KIF14: variants seen among roughly 807,000 people sequenced by gnomAD.
KIF14 encodes the protein kinesin-like protein KIF14.
KIF14 carries 98 observed loss-of-function variants against 176.2 expected under a neutral mutation model. The observed-to-expected ratio is 0.56, with a 90% CI of 0.47 to 0.66. KIF14 has a LOEUF of 0.66. Among genes scored for constraint, KIF14 ranks in the 30% least tolerant of loss-of-function variants. The pLI is 0.00. For missense variants in KIF14, 1,751 were observed against 1,920.4 expected, an observed-to-expected ratio of 0.91 and a Z score of 1.65; for synonymous variants, 566 against 632.2, an observed-to-expected ratio of 0.90 and a Z score of 1.57.
At chr1:200,555,546 T>C in intron 27 of KIF14, 92 bp from the exon 28 acceptor site, 1 of 630,454 alleles carries the variant, frequency 1.6e-6, no homozygotes, top group South Asian at 3.3e-5. Flanking sequence ...TAAAAAATTC[T>C]AGTCTAGAAG....
In KIF14 at chr1:200,590,222, A is replaced by T; in HGVS notation, c.2864T>A (p.Met955Lys). ...EAQLKAKEEM[M>K]QGIQIAKEMA... is the part of the protein sequence containing the mutation. ...TTCTTTTGCAATCTGGATTCCTTGC[A>T]TCATTTCTTCCTTTGCCTTCAACTG... Residue 955 changes from methionine to lysine, a missense_variant, in exon 17 of 30, where the codon ATG (methionine) becomes AAG (lysine). Coordinates refer to ENST00000367350, the MANE Select transcript of KIF14 (RefSeq NM_014875.3). 6.2e-7 allele frequency: 1 copy of T among 1,613,992 alleles called. No homozygotes were observed. The highest frequency in any genetic ancestry group is 8.5e-7 in the Non-Finnish European group (1 of 1,179,972).
chr1:200,604,099 C>T (rs1460799899), intron 8 of KIF14, 144 bp from the exon 9 acceptor site: 1 of 579,420 alleles, frequency 1.7e-6, no homozygotes, highest in East Asian at 3.0e-5. Context: ...CAGGGTCTCA[C>T]TCTGTTGCCC....
intron 9 of KIF14, among the ~76,000 whole-genome samples, chr1:200,603,551 A>G (rs2102736757): frequency 6.6e-6 from 1 of 152,226 alleles, no homozygotes; most frequent in South Asian, 2.1e-4. Context: ...GGCTCAAGCA[A>G]TCCTCCCACC....
At position 200,586,790 on chromosome 1, in the gene KIF14, C is replaced by T. The variant is rs371593903; in HGVS notation, c.3115-563G>A. On this transcript the variant is annotated intron_variant, in intron 18 of 29. Coordinates refer to ENST00000367350, the MANE Select transcript of KIF14 (RefSeq NM_014875.3). ...AATATGGTGTATATATATATACATA[C>T]ATATATATATATATATATATATATA... 6.3e-3 allele frequency among the ~76,000 whole-genome samples: 807 copies of T among 128,292 alleles called. 3 individuals carry two copies. The highest frequency in any genetic ancestry group is 9.3e-3 in the Non-Finnish European group (565 of 60,540). The allele number at this position is 128,292 out of a possible 152,430, so 84.2% of individuals were successfully genotyped here.
intron 3 of KIF14, among the ~76,000 whole-genome samples, chr1:200,614,917 T>C (rs1660338265): frequency 6.6e-6 from 1 of 152,046 alleles, no homozygotes. Context: ...TCCACCCTTT[T>C]TTCTTAAGAG....
intron 11 of KIF14, 118 bp downstream of exon 11, chr1:200,601,778 T>G (rs567679469): frequency 1.4e-6 from 1 of 704,842 alleles, no homozygotes; most frequent in South Asian, 2.0e-5. Context: ...CTAGAATCTA[T>G]TAAAATAGGT....
At chr1:200,590,924 G>A (rs1659023267) in intron 16 of KIF14, among the ~76,000 whole-genome samples, 2 of 152,064 alleles carry the variant, frequency 1.3e-5, no homozygotes, top group South Asian at 4.1e-4. Context: ...TGCTCGGGAG[G>A]CTAAGGTGGG....
At chr1:200,567,329 C>G (rs923067293) in intron 23 of KIF14, among the ~76,000 whole-genome samples, 2 of 151,996 alleles carry the variant, frequency 1.3e-5, no homozygotes, top group Non-Finnish European at 2.9e-5. Flanking sequence ...ATCACGAGGT[C>G]AGGAGATCGA....
intron 6 of KIF14, 85 bp from the exon 7 acceptor site, chr1:200,605,979 T>C (rs950913718): frequency 4.3e-6 from 3 of 694,410 alleles, no homozygotes; most frequent in Non-Finnish European, 7.1e-6. Context: ...TTCAATTACA[T>C]ATTTACGCTG....
chr1:200,618,118 G>A lies in KIF14; in HGVS notation c.606C>T (p.Ala202=). 1.2e-6 allele frequency: 2 copies of A among 1,614,006 alleles called. No homozygotes were observed. The highest frequency in any genetic ancestry group is 2.2e-5 in the South Asian group (2 of 91,074). The change falls in exon 2 of 30, where the codon GCC becomes GCT. Residue 202 remains alanine (A), a synonymous_variant. Coordinates refer to ENST00000367350, the MANE Select transcript of KIF14 (RefSeq NM_014875.3). Reference sequence around the variant, plus strand: ...CAACATTTTCATTTGCTCTACTGGGGGCAGAAAATGTTTCTTTGTATTTCT... The same window carrying A: ...CAACATTTTCATTTGCTCTACTGGGAGCAGAAAATGTTTCTTTGTATTTCT... ...ADKKYKETFS[A]PSRANENVAL...
chr1:200,583,430 T>C (rs970294621), intron 19 of KIF14, among the ~76,000 whole-genome samples: 4 of 152,112 alleles, frequency 2.6e-5, no homozygotes, highest in African/African-American at 4.8e-5. Context: ...TGTCTGGGAT[T>C]TGCTTCAAAC....
chr1:200,578,684 A>T (rs919992922), intron 21 of KIF14, among the ~76,000 whole-genome samples: 2 of 152,204 alleles, frequency 1.3e-5, no homozygotes, highest in African/African-American at 4.8e-5. Context: ...GTATAACAAA[A>T]TGAAACCAAC....
At chr1:200,603,138 C>T (rs1659705947) in intron 10 of KIF14, 88 bp downstream of exon 10, 1 of 760,388 alleles carries the variant, frequency 1.3e-6, no homozygotes, top group East Asian at 2.7e-5. Flanking sequence ...TTTCTCCATC[C>T]CAAAGTTAAT....
intron 21 of KIF14, among the ~76,000 whole-genome samples, chr1:200,577,886 C>A (rs1658218194): frequency 6.6e-6 from 1 of 151,122 alleles, no homozygotes; most frequent in Non-Finnish European, 1.5e-5. Context: ...TTTATCTGTT[C>A]TTTGGCAGTT....
intron 22 of KIF14, among the ~76,000 whole-genome samples, chr1:200,572,833 G>A (rs1032714153): frequency 6.6e-6 from 1 of 152,058 alleles, no homozygotes; most frequent in East Asian, 1.9e-4. Flanking sequence ...ACTCTAGGTT[G>A]GCTTAAATAT....
rs777509664 is a variant in KIF14, at chr1:200,575,676, T to C, written c.3481A>G (p.Arg1161Gly). ...KELYESNGSNRGEDAFCDPED... is the reference protein window; with the variant it reads ...KELYESNGSNGGEDAFCDPED... ...GGATCACAAAAGGCATCTTCACCCCTGTTACTACCATTACTCTAAGAAAAA... is the reference window on the plus strand; with the variant it reads ...GGATCACAAAAGGCATCTTCACCCCCGTTACTACCATTACTCTAAGAAAAA... The change falls in exon 22 of 30, where the codon AGG (arginine) becomes GGG (glycine). Residue 1161 changes from arginine to glycine, a missense_variant. By Grantham distance (125) the Arg-to-Gly change is moderately radical (BLOSUM62 -2). Transcript: ENST00000367350. 3 of 1,569,628 alleles carry C rather than the reference T, an allele frequency of 1.9e-6. No individual in the cohort carries two copies. Among genetic ancestry groups the C allele is most frequent in the Non-Finnish European group, 2.6e-6 (3 of 1,151,516 alleles).
chr1:200,596,107 A>T (rs1659325190), intron 14 of KIF14, among the ~76,000 whole-genome samples: 1 of 152,066 alleles, frequency 6.6e-6, no homozygotes, highest in Non-Finnish European at 1.5e-5. Flanking sequence ...TACAACAATT[A>T]GCCAGGCGTG....
intron 19 of KIF14, among the ~76,000 whole-genome samples, chr1:200,583,311 T>C (rs1419438045): frequency 1.3e-5 from 2 of 152,108 alleles, no homozygotes; most frequent in South Asian, 2.1e-4. Flanking sequence ...AATATAGTTA[T>C]GGCAATGCTT....
intron 6 of KIF14, 95 bp downstream of exon 6, chr1:200,606,650 GA>G: frequency 9.3e-7 from 1 of 1,080,652 alleles, no homozygotes; most frequent in South Asian, 1.3e-5. Flanking sequence ...TCAAAGTTAG[GA>G]AGGCCAATGA....
Sources: gnomAD v4.1 joint callset for allele counts (sites outside exome capture counted in the v4.1 genomes callset) on GRCh38, gnomAD v4.1.1 for gene constraint, MANE v1.5 for transcripts, NCBI Gene and HGNC (gene_info 2026-07-23, HGNC 2026-07-21) for gene names.